The following GRXCR1 variants were observed in gnomAD, a reference collection of about 807,000 sequenced individuals.
GRXCR1 encodes glutaredoxin and cysteine rich domain containing 1, also known as glutaredoxin domain-containing cysteine-rich protein 1.
In GRXCR1, 27 loss-of-function variants were observed where a neutral mutation model predicts 27.3. The ratio of observed to expected loss-of-function variants is 0.99; its 90% CI spans 0.73 to 1.37. The LOEUF is 1.37. GRXCR1 is among the 40% of genes most tolerant of loss of function. The pLI, the probability that GRXCR1 is intolerant of heterozygous loss-of-function variation, is 0.00. For synonymous variants in GRXCR1, 122 were observed against 131.1 expected, an observed-to-expected ratio of 0.93 and a Z score of 0.47; for missense variants, 379 against 354.4, an observed-to-expected ratio of 1.07 and a Z score of -0.56.
chr4:42,956,553 C>A (rs1488369856), intron 1 of GRXCR1, among the ~76,000 whole-genome samples: 4 of 151,780 alleles, frequency 2.6e-5, no homozygotes, highest in African/African-American at 9.7e-5. Context: ...TCTAGAAAGA[C>A]CTACTTCCAA....
chr4:42,999,556 A>T (rs1712281620), intron 2 of GRXCR1, among the ~76,000 whole-genome samples: 1 of 152,168 alleles, frequency 6.6e-6, no homozygotes, highest in African/African-American at 2.4e-5. Flanking sequence ...CCTATACAAC[A>T]GTGAGGCCAT....
chr4:42,936,817 G>A (rs73240026), intron 1 of GRXCR1, among the ~76,000 whole-genome samples: 129 of 151,874 alleles, frequency 8.5e-4, no homozygotes, highest in African/African-American at 3.1e-3. Flanking sequence ...ATGTGTCTTG[G>A]AAAGGAAGAT....
intron 2 of GRXCR1, among the ~76,000 whole-genome samples, chr4:42,968,135 A>C (rs1232190356): frequency 1.3e-5 from 2 of 152,034 alleles, no homozygotes; most frequent in African/African-American, 4.8e-5. Context: ...AACTCTAGCC[A>C]TCTTGGTCTT....
intron 1 of GRXCR1, among the ~76,000 whole-genome samples, chr4:42,953,314 T>A (rs1395076422): frequency 1.3e-5 from 2 of 152,152 alleles, no homozygotes; most frequent in African/African-American, 4.8e-5. Flanking sequence ...CAAAAGTGAT[T>A]CCAAGTGAAG....
In GRXCR1 at chr4:42,893,225, G is replaced by T; in HGVS notation, c.-42G>T. ...CAAGTGGACTAGTGCAGTAACAACG[G>T]GTCCAGAATGCTGTAAACTGTTCAT... On this transcript the variant is annotated 5_prime_UTR_variant, in exon 1 of 4. Transcript: ENST00000399770. The T allele has an allele frequency of 1.9e-6, 3 of 1,611,854 alleles. No individual in the cohort carries two copies. The highest frequency in any genetic ancestry group is 2.5e-6 in the Non-Finnish European group (3 of 1,178,980).
chr4:42,952,222 A>C (rs11726697), intron 1 of GRXCR1, among the ~76,000 whole-genome samples: 17,215 of 152,190 alleles, frequency 0.11, 1,282 homozygotes, highest in East Asian at 0.32. Context: ...TTGAGAAAAG[A>C]GAGCAGGGCT....
intron 2 of GRXCR1, among the ~76,000 whole-genome samples, chr4:42,975,922 A>G (rs921508454): frequency 1.3e-5 from 2 of 152,184 alleles, no homozygotes; most frequent in African/African-American, 2.4e-5. Flanking sequence ...AAGAGAAAGA[A>G]CTTTTGAAGG....
At chr4:42,902,262 A>G (rs761884928) in intron 1 of GRXCR1, among the ~76,000 whole-genome samples, 1 of 152,188 alleles carries the variant, frequency 6.6e-6, no homozygotes, top group Non-Finnish European at 1.5e-5. Context: ...TTATACATCA[A>G]TAAAGTTAAA....
chr4:42,914,279 GTA>G (rs1270861742), intron 1 of GRXCR1, among the ~76,000 whole-genome samples: 1 of 152,248 alleles, frequency 6.6e-6, no homozygotes, highest in Non-Finnish European at 1.5e-5. Flanking sequence ...GAGGGGGGCT[GTA>G]TCCTGCAAAG....
At chr4:42,920,365 A>AG (rs1746981434) in intron 1 of GRXCR1, among the ~76,000 whole-genome samples, 1 of 152,040 alleles carries the variant, frequency 6.6e-6, no homozygotes, top group Non-Finnish European at 1.5e-5. Context: ...TAATGGCCCA[A>AG]TGAGTGAATT....
intron 1 of GRXCR1, among the ~76,000 whole-genome samples, chr4:42,939,009 T>A (rs1253494925): frequency 6.6e-6 from 1 of 152,080 alleles, no homozygotes; most frequent in Non-Finnish European, 1.5e-5. Context: ...TGGTTCCAGA[T>A]AAATTTTAGA....
intron 2 of GRXCR1, among the ~76,000 whole-genome samples, chr4:42,980,128 C>G (rs959151083): frequency 2.0e-5 from 3 of 150,870 alleles, no homozygotes; most frequent in African/African-American, 7.3e-5. Flanking sequence ...TTATTTTTGT[C>G]TCTATTTCAT....
At chr4:42,958,756 AC>A (rs1388627745) in intron 1 of GRXCR1, among the ~76,000 whole-genome samples, 1 of 152,032 alleles carries the variant, frequency 6.6e-6, no homozygotes, top group East Asian at 1.9e-4. Flanking sequence ...TGAACAGATG[AC>A]CAGAATAGAT....
intron 2 of GRXCR1, among the ~76,000 whole-genome samples, chr4:42,978,697 A>C (rs951705642): frequency 1.3e-5 from 2 of 152,058 alleles, no homozygotes; most frequent in Non-Finnish European, 2.9e-5. Flanking sequence ...ATATTTTATT[A>C]GAGTTTTTTA....
intron 1 of GRXCR1, among the ~76,000 whole-genome samples, chr4:42,949,354 CAAAA>C (rs10622265): frequency 0.019 from 1,510 of 81,086 alleles, 3 homozygotes; most frequent in Admixed American, 0.031. Context: ...GACTCCATCT[CAAAA>C]AAAAAAAAAA....
In GRXCR1 at chr4:42,933,831, G is replaced by A. The variant is rs150690466; in HGVS notation, c.385-29061G>A. Among the ~76,000 whole-genome samples the A allele has an allele frequency of 4.0e-3, 607 of 151,868 alleles. 7 individuals are homozygous for A. Among genetic ancestry groups the A allele is most frequent in the Non-Finnish European group, 4.5e-3 (307 of 67,860 alleles). ...AACTGTTGTTTAAAGCCACCCAGTT[G>A]ATGATATTCTGTTATAGCAGCCTGA... On this transcript the variant is annotated intron_variant, in intron 1 of 3. Transcript: ENST00000399770.
chr4:42,992,920 G>A (rs1352483453), intron 2 of GRXCR1, among the ~76,000 whole-genome samples: 1 of 151,790 alleles, frequency 6.6e-6, no homozygotes, highest in African/African-American at 2.4e-5. Flanking sequence ...ACATTTCATT[G>A]TTTACATTAA....
intron 2 of GRXCR1, among the ~76,000 whole-genome samples, chr4:43,005,370 T>A (rs1174104869): frequency 6.6e-6 from 1 of 152,198 alleles, no homozygotes; most frequent in Non-Finnish European, 1.5e-5. Context: ...TTCTGACATT[T>A]TTTAGTTGCA....
At chr4:42,945,191 G>A (rs1172711265) in intron 1 of GRXCR1, among the ~76,000 whole-genome samples, 1 of 152,126 alleles carries the variant, frequency 6.6e-6, no homozygotes, top group African/African-American at 2.4e-5. Flanking sequence ...TCTTGCTTTT[G>A]GGCTTCCCAG....
Sources: allele counts gnomAD v4.1 joint callset (sites outside exome capture counted in the v4.1 genomes callset), GRCh38; gene constraint gnomAD v4.1.1; transcripts MANE v1.5; gene names NCBI Gene and HGNC (gene_info 2026-07-23, HGNC 2026-07-21).